UBE2F: variants seen among roughly 807,000 people sequenced by gnomAD.
UBE2F encodes NEDD8-conjugating enzyme UBE2F.
A neutral mutation model predicts 29.6 loss-of-function variants in UBE2F; 5 were observed. The ratio of observed to expected loss-of-function variants is 0.17; its 90% CI spans 0.09 to 0.36. The LOEUF is 0.36. Ranked by LOEUF, UBE2F falls within the 10% of genes least tolerant of loss-of-function variation. The pLI is 1.00. For missense variants in UBE2F, 141 were observed against 228.5 expected, an observed-to-expected ratio of 0.62 and a Z score of 2.47; for synonymous variants, 66 against 81.8, an observed-to-expected ratio of 0.81 and a Z score of 1.04.
At chr2:237,970,087 C>T (rs1057250541) in intron 1 of UBE2F, among the ~76,000 whole-genome samples, 24 of 152,136 alleles carry the variant, frequency 1.6e-4, no homozygotes, top group African/African-American at 4.1e-4. Context: ...ATTTCCTGCC[C>T]GGCATGGTGG....
rs116703539 is a variant in UBE2F at position 238,001,474 on chromosome 2, A to G, written c.214+6665A>G. On this transcript the variant is annotated intron_variant, in intron 4 of 9. Coordinates refer to ENST00000272930, the MANE Select transcript of UBE2F (RefSeq NM_080678.3). ...GATTAGAGACTTCTACAGCTAGATT[A>G]TAAATCTTATATAGTTATGTGTGTA... is the stretch of plus-strand genomic sequence containing the variant. 4.1e-3 allele frequency among the ~76,000 whole-genome samples: 626 copies of G among 152,284 alleles called. 5 individuals carry two copies. Among genetic ancestry groups the G allele is most frequent in the African/African-American group, 0.014 (596 of 41,550 alleles).
At position 238,029,519 on chromosome 2, in the gene UBE2F, C is replaced by T. The variant is rs1475356914; in HGVS notation, c.354-1037C>T. On this transcript the variant is annotated intron_variant, in intron 6 of 9. Coordinates refer to ENST00000272930, the MANE Select transcript of UBE2F (RefSeq NM_080678.3). ...CTGAGGCAGGAGAATGGCGTAAAACCGGAGAGGTGGAGCTTACAGTGAGCC... is the reference window on the plus strand; with the variant it reads ...CTGAGGCAGGAGAATGGCGTAAAACTGGAGAGGTGGAGCTTACAGTGAGCC... Among the ~76,000 whole-genome samples the T allele has an allele frequency of 3.3e-5, 5 of 150,952 alleles. No homozygotes were observed. The Admixed American group carries it at 3.3e-4, about 10-fold the overall frequency.
At chr2:238,032,116 A>G (rs2064595205) in intron 7 of UBE2F, 106 bp from the exon 8 acceptor site, 2 of 824,152 alleles carry the variant, frequency 2.4e-6, no homozygotes, top group Non-Finnish European at 4.0e-6. Flanking sequence ...AAACCATGCT[A>G]AAGACAGGTT....
chr2:237,973,623 T>G (rs1200469439), intron 2 of UBE2F: 4 of 1,266,560 alleles, frequency 3.2e-6, no homozygotes, highest in Non-Finnish European at 4.2e-6. Flanking sequence ...TTGTAATCTC[T>G]TAGGATCTTT....
chr2:237,988,074 G>T, intron 3 of UBE2F, 82 bp downstream of exon 3: 1 of 759,706 alleles, frequency 1.3e-6, no homozygotes, highest in Non-Finnish European at 2.1e-6. Flanking sequence ...ACCTTGTATA[G>T]TAAAAAGCCT....
intron 5 of UBE2F, among the ~76,000 whole-genome samples, chr2:238,024,746 GT>G (rs1309984297): frequency 2.0e-5 from 3 of 152,174 alleles, no homozygotes. Flanking sequence ...CATAAATGAT[GT>G]TGATATACTT....
chr2:237,980,072 G>A (rs1211303357), intron 2 of UBE2F, among the ~76,000 whole-genome samples: 3 of 152,246 alleles, frequency 2.0e-5, no homozygotes, highest in Non-Finnish European at 4.4e-5. Flanking sequence ...AAGGCAGTGG[G>A]AAGCTAAGAA....
In UBE2F at chr2:237,976,858, C is replaced by G. The variant is rs546038946; in HGVS notation, c.118+3633C>G. Among the ~76,000 whole-genome samples, 75 of 152,282 alleles carry G rather than the reference C, an allele frequency of 4.9e-4. No individual in the cohort carries two copies. The South Asian group carries it at 0.015, about 30-fold the overall frequency. ...ATTGATCCTTCATTTTACCCATAAA[C>G]TGCTGAGACTCAGGTTAAGAAACTT... is the stretch of plus-strand genomic sequence containing the variant. On this transcript the variant is annotated intron_variant, in intron 2 of 9. Coordinates refer to ENST00000272930, the MANE Select transcript of UBE2F (RefSeq NM_080678.3).
At chr2:238,039,612 G>A (rs1240329819) in intron 9 of UBE2F, among the ~76,000 whole-genome samples, 3 of 152,236 alleles carry the variant, frequency 2.0e-5, no homozygotes, top group African/African-American at 7.2e-5. Context: ...ATTGGAGGCA[G>A]AGCCCAGGAC....
At position 237,974,658 on chromosome 2, in the gene UBE2F, C is replaced by T. The variant is rs192687048; in HGVS notation, c.118+1433C>T. 5.9e-5 allele frequency among the ~76,000 whole-genome samples: 9 copies of T among 151,736 alleles called. No homozygotes were observed. In the East Asian group the frequency reaches 7.8e-4, roughly 13 times the overall value. On this transcript the variant is annotated intron_variant, in intron 2 of 9. Coordinates refer to ENST00000272930, the MANE Select transcript of UBE2F (RefSeq NM_080678.3). ...CCTCCATAGTAGCTGGGATTACAGG[C>T]GCCTGCCACCACGCCCAGCTAATTT... is the stretch of plus-strand genomic sequence containing the variant.
intron 4 of UBE2F, among the ~76,000 whole-genome samples, chr2:237,999,471 A>G (rs2063750292): frequency 6.6e-6 from 1 of 152,142 alleles, no homozygotes. Context: ...TTATAAATAT[A>G]TGCTCCTATG....
At chr2:237,972,541 A>ATTT (rs57914670) in intron 1 of UBE2F, among the ~76,000 whole-genome samples, 5 of 124,254 alleles carry the variant, frequency 4.0e-5, no homozygotes, top group African/African-American at 6.0e-5. Context: ...TTAATTTTAA[A>ATTT]TTTTTTTTTT....
At chr2:237,986,413 C>T (rs1303423533) in intron 2 of UBE2F, 1 of 156,056 alleles carries the variant, frequency 6.4e-6, no homozygotes, top group East Asian at 1.9e-4. Context: ...CCTGACCTCA[C>T]AAAGTATTGG....
chr2:237,972,980 A>G (rs2063206669), intron 1 of UBE2F, 112 bp from the exon 2 acceptor site: 1 of 1,262,562 alleles, frequency 7.9e-7, no homozygotes, highest in African/African-American at 1.5e-5. Context: ...TTTTTTCCAT[A>G]ACTAAATTGT....
At chr2:238,009,538 G>A (rs774424696) in intron 4 of UBE2F, among the ~76,000 whole-genome samples, 43 of 152,092 alleles carry the variant, frequency 2.8e-4, no homozygotes, top group African/African-American at 6.0e-4. Flanking sequence ...AGCTGTTGAC[G>A]TTCCATTTGG....
chr2:237,976,673 T>C (rs538381130), intron 2 of UBE2F, among the ~76,000 whole-genome samples: 2 of 152,308 alleles, frequency 1.3e-5, no homozygotes, highest in African/African-American at 4.8e-5. Context: ...CCCTGATCCA[T>C]TTATGCGGCA....
chr2:237,984,902 C>T (rs1276465297), intron 2 of UBE2F, among the ~76,000 whole-genome samples: 3 of 151,668 alleles, frequency 2.0e-5, no homozygotes, highest in Admixed American at 6.6e-5. Context: ...ACCTCAGACT[C>T]CTGAGTAATT....
At position 238,040,199 on chromosome 2, in the gene UBE2F, A is replaced by G. The variant is rs2064808938; in HGVS notation, c.508-1089A>G. Among the ~76,000 whole-genome samples the G allele has an allele frequency of 6.6e-6, 1 of 152,222 alleles. No homozygotes were observed. Among genetic ancestry groups the G allele is most frequent in the Admixed American group, 6.5e-5 (1 of 15,276 alleles). ...GGAAAGGGTCGCTGTGCTAACTAAA[A>G]GTGTGGCAGGAGGGCAGGCACCTGG... On this transcript the variant is annotated intron_variant, in intron 9 of 9. Coordinates refer to ENST00000272930, the MANE Select transcript of UBE2F (RefSeq NM_080678.3). The surrounding 1 kb of genome is among the most constrained non-coding windows in gnomAD (Gnocchi z 4.4).
Position 237,979,970 on chromosome 2 carries a change from C to G in UBE2F, c.118+6745C>G, listed in dbSNP as rs1289785205. On this transcript the variant is annotated intron_variant, in intron 2 of 9. Coordinates refer to ENST00000272930, the MANE Select transcript of UBE2F (RefSeq NM_080678.3). ...GTGAGGCCTCAGCCCTGGTGGTGCTCTCTCTGGAGGGGCTGAGGCCCTGTG... is the reference window on the plus strand; with the variant it reads ...GTGAGGCCTCAGCCCTGGTGGTGCTGTCTCTGGAGGGGCTGAGGCCCTGTG... Among the ~76,000 whole-genome samples the G allele has an allele frequency of 2.0e-5, 3 of 152,348 alleles. No individual in the cohort carries two copies. In the South Asian group the frequency reaches 6.2e-4, roughly 32 times the overall value.
Sources: gnomAD v4.1 joint callset for allele counts (sites outside exome capture counted in the v4.1 genomes callset) on GRCh38, gnomAD v4.1.1 for gene constraint, Gnocchi (gnomAD v3.1) non-coding constraint, MANE v1.5 for transcripts, NCBI Gene and HGNC (gene_info 2026-07-23, HGNC 2026-07-21) for gene names.